The following NUCB2 variants were observed in gnomAD, a reference collection of about 807,000 sequenced individuals.
NUCB2 encodes nucleobindin 2.
Under a neutral mutation model 57.9 loss-of-function variants are expected in NUCB2, and 48 were observed. That is an observed-to-expected ratio of 0.83 (90% CI 0.66 to 1.05). The LOEUF (loss-of-function observed/expected upper bound fraction) is 1.05. Among genes scored for constraint, NUCB2 ranks in the 50% least tolerant of loss-of-function variants. The pLI, the probability that NUCB2 is intolerant of heterozygous loss-of-function variation, is 0.00. For missense variants in NUCB2, 442 were observed against 476.2 expected (o/e 0.93, Z 0.67); for synonymous variants, 139 against 152.1 (o/e 0.91, Z 0.64).
At chr11:17,320,492 A>G (rs1050663249) in intron 11 of NUCB2, among the ~76,000 whole-genome samples, 17 of 152,098 alleles carry the variant, frequency 1.1e-4, no homozygotes, top group African/African-American at 2.4e-4. Flanking sequence ...CCTTGTCTCT[A>G]TTAAAAATAC....
chr11:17,335,465 T>TAA (rs1480810172), downstream of NUCB2, among the ~76,000 whole-genome samples: 1 of 152,160 alleles, frequency 6.6e-6, no homozygotes, highest in Admixed American at 6.5e-5. Flanking sequence ...ATTAAGGAAT[T>TAA]GTAATTTTTT....
chr11:17,288,549 C>CTTTTTT (rs752336919), intron 2 of NUCB2, among the ~76,000 whole-genome samples: 62 of 75,846 alleles, frequency 8.2e-4, no homozygotes, highest in Middle Eastern at 6.0e-3. Flanking sequence ...TCTTCTTCTT[C>CTTTTTT]TTCTTTTTTT....
intron 1 of NUCB2, chr11:17,278,657 C>T (rs1425111270): frequency 1.3e-5 from 2 of 152,164 alleles, no homozygotes; most frequent in African/African-American, 4.8e-5. Flanking sequence ...AATTAAGGTA[C>T]TTTTCAAGAC....
At chr11:17,288,368 C>T (rs887203843) in intron 2 of NUCB2, among the ~76,000 whole-genome samples, 6 of 152,014 alleles carry the variant, frequency 3.9e-5, no homozygotes, top group African/African-American at 1.2e-4. Context: ...GTCTCTGTCA[C>T]CCAGGCTGGA....
chr11:17,292,977 G>A (rs1341975992), intron 2 of NUCB2, among the ~76,000 whole-genome samples: 1 of 152,134 alleles, frequency 6.6e-6, no homozygotes, highest in Admixed American at 6.6e-5. Context: ...TCAGCGGCTA[G>A]GTGCAGTGGC....
chr11:17,339,478 T>A (rs1952071103), intron 2 of NUCB2, among the ~76,000 whole-genome samples: 1 of 151,244 alleles, frequency 6.6e-6, no homozygotes, highest in Non-Finnish European at 1.5e-5. Flanking sequence ...ATTAGGTATA[T>A]CTCCTAATGC....
chr11:17,336,526 G>A (rs1010258100), downstream of NUCB2, among the ~76,000 whole-genome samples: 7 of 151,384 alleles, frequency 4.6e-5, no homozygotes, highest in Non-Finnish European at 8.8e-5. Flanking sequence ...AGGCCGAGGC[G>A]GGCGGATCAC....
At chr11:17,309,784 T>C in intron 6 of NUCB2, 109 bp downstream of exon 6, 2 of 650,856 alleles carry the variant, frequency 3.1e-6, no homozygotes, top group South Asian at 4.6e-5. Context: ...TCTGTAGAAG[T>C]TCTTTAAAGG....
chr11:17,316,439 C>T (rs1405779390), intron 11 of NUCB2, among the ~76,000 whole-genome samples: 3 of 152,106 alleles, frequency 2.0e-5, no homozygotes, highest in Admixed American at 2.0e-4. Context: ...ATGGCTGTAG[C>T]ATAATTTATA....
At chr11:17,348,370 T>C (rs1952940976) in intron 2 of NUCB2, among the ~76,000 whole-genome samples, 1 of 125,132 alleles carries the variant, frequency 8.0e-6, no homozygotes. Flanking sequence ...AGTCTCACTC[T>C]GTCACCCAGG....
In NUCB2 at chr11:17,330,225, G is replaced by C; in HGVS notation, c.1101G>C (p.Glu367Asp). 1 of 1,610,942 alleles carries C rather than the reference G, an allele frequency of 6.2e-7. No individual in the cohort carries two copies. The highest frequency in any genetic ancestry group is 2.2e-5 in the East Asian group (1 of 44,772). The change falls in exon 12 of 14, where the codon GAG (glutamate) becomes GAC (aspartate). Residue 367 changes from glutamate (E) to aspartate (D), a missense_variant. Coordinates refer to ENST00000529010, the MANE Select transcript of NUCB2 (RefSeq NM_005013.4). This position sits in a 1 kb window ranked among gnomAD's most constrained non-coding sequence, Gnocchi z 4.3. ...ATGAACTTAAGAAGAAGGCAGATGA[G>C]CTTCAGAAACAAAAAGAAGAGCTAC... ...QENELKKKAD[E>D]LQKQKEELQR...
intron 1 of NUCB2, 122 bp downstream of exon 1, chr11:17,276,950 C>G (rs978272877): frequency 6.6e-6 from 1 of 152,306 alleles, no homozygotes; most frequent in Non-Finnish European, 1.5e-5. Context: ...TGGTGGGGGC[C>G]GTGCTGTGGG....
intron 2 of NUCB2, among the ~76,000 whole-genome samples, chr11:17,338,243 G>T (rs894035532): frequency 6.6e-6 from 1 of 152,034 alleles, no homozygotes; most frequent in African/African-American, 2.4e-5. Flanking sequence ...AAATTATGTA[G>T]ACAAACAATT....
intron 11 of NUCB2, among the ~76,000 whole-genome samples, chr11:17,325,278 G>T (rs1950533450): frequency 6.6e-6 from 1 of 152,206 alleles, no homozygotes; most frequent in South Asian, 2.1e-4. Context: ...TGCTGAAAGT[G>T]GGGTGTTGAA....
chr11:17,291,818 AT>A (rs1298502798), intron 2 of NUCB2, among the ~76,000 whole-genome samples: 1 of 151,960 alleles, frequency 6.6e-6, no homozygotes, highest in African/African-American at 2.4e-5. Flanking sequence ...GCTTTACATC[AT>A]TTTTATTGTG....
intron 2 of NUCB2, among the ~76,000 whole-genome samples, chr11:17,288,685 G>A (rs1355380538): frequency 1.3e-5 from 2 of 150,568 alleles, no homozygotes; most frequent in Admixed American, 1.3e-4. Flanking sequence ...CTCCCGGGTA[G>A]CTGGGACTAC....
rs183987853 is a variant in NUCB2, at chr11:17,345,600, A to G, written n.2627-3745A>G. Among the ~76,000 whole-genome samples, 452 of 152,168 alleles carry G rather than the reference A, an allele frequency of 3.0e-3. 3 individuals carry two copies. Among genetic ancestry groups the G allele is most frequent in the African/African-American group, 0.01 (426 of 41,528 alleles). Reference sequence around the variant, plus strand: ...TGGGCGCCTGTAATCCCAGCTACTCAGGAGGCTGAGGCAGGAGAATCACTT... The same window carrying G: ...TGGGCGCCTGTAATCCCAGCTACTCGGGAGGCTGAGGCAGGAGAATCACTT... On this transcript the variant is annotated intron_variant and non_coding_transcript_variant, in intron 2 of 2. Transcript: ENST00000532240.
At chr11:17,312,826 C>A (rs1565435319) in intron 10 of NUCB2, among the ~76,000 whole-genome samples, 1 of 151,994 alleles carries the variant, frequency 6.6e-6, no homozygotes, top group Non-Finnish European at 1.5e-5. Context: ...CTTGCCTCAG[C>A]CTCCTGAGTA....
At chr11:17,297,215 TTAAG>T (rs1440687107) in intron 4 of NUCB2, among the ~76,000 whole-genome samples, 2 of 152,090 alleles carry the variant, frequency 1.3e-5, no homozygotes, top group African/African-American at 2.4e-5. Context: ...CTTTATTTAT[TTAAG>T]TTTTACTTTC....
Sources: allele counts gnomAD v4.1 joint callset (sites outside exome capture counted in the v4.1 genomes callset), GRCh38; gene constraint gnomAD v4.1.1; non-coding constraint Gnocchi (gnomAD v3.1); transcripts MANE v1.5; gene names NCBI Gene and HGNC (gene_info 2026-07-23, HGNC 2026-07-21).